TBCD: variants seen among roughly 807,000 people sequenced by gnomAD.
TBCD encodes the protein tubulin-specific chaperone D.
TBCD carries 105 observed loss-of-function variants against 169.3 expected under a neutral mutation model. The observed-to-expected ratio is 0.62, with a 90% CI of 0.53 to 0.73. The LOEUF is 0.73. TBCD is among the 30% of genes least tolerant of loss of function. The probability of loss-of-function intolerance (pLI) is 0.00; values close to 1 mark genes in which losing one functional copy is unlikely to be tolerated. For synonymous variants in TBCD, 700 were observed against 643.9 expected (o/e 1.09, Z -1.32); for missense variants, 1,444 against 1,600.1 (o/e 0.90, Z 1.66).
At position 82,920,342 on chromosome 17, in the gene TBCD, T is replaced by C. The variant is rs1453481446; in HGVS notation, c.2039-214T>C. ...CCACGTGGCTGGGTCTGCAGCACTT[T>C]CTTCAGGCTGCTCAGCGGAGGAGGC... is the stretch of plus-strand genomic sequence containing the variant. On this transcript the variant is annotated intron_variant, in intron 23 of 38. Coordinates refer to ENST00000355528, the MANE Select transcript of TBCD (RefSeq NM_005993.5). This position sits in a 1 kb window ranked among gnomAD's most constrained non-coding sequence, Gnocchi z 4.1. 7 of 598,146 alleles carry C rather than the reference T, an allele frequency of 1.2e-5. No homozygotes were observed. The highest frequency in any genetic ancestry group is 1.8e-5 in the Non-Finnish European group (6 of 340,726). 37.1% of individuals were successfully genotyped at this position (598,146 alleles called of 1,614,324 possible). A position where few individuals can be genotyped will look rare whatever the true frequency, so the allele number is the denominator to read the frequency against.
At chr17:82,757,804 A>G (rs1035355316) in intron 2 of TBCD, among the ~76,000 whole-genome samples, 25 of 152,248 alleles carry the variant, frequency 1.6e-4, no homozygotes, top group Admixed American at 1.5e-3. Context: ...GGGGCTAGCC[A>G]TGCTGGATGG....
Position 82,925,926 on chromosome 17 carries a change from AC to A in TBCD, c.2380-472del, listed in dbSNP as rs1157393892. Reference sequence around the variant, plus strand: ...GCTGGCCGTGGAGAGGCTGGAGGTGACCTCTCCCCGGGTGTCCTTCCTGGGT... The same window carrying A: ...GCTGGCCGTGGAGAGGCTGGAGGTGACTCTCCCCGGGTGTCCTTCCTGGGT... On this transcript the variant is annotated intron_variant, in intron 27 of 38. Transcript: ENST00000355528. Among the ~76,000 whole-genome samples the A allele has an allele frequency of 1.8e-3, 264 of 149,034 alleles. 4 individuals are homozygous for A. The highest frequency in any genetic ancestry group is 8.9e-3 in the Admixed American group (133 of 14,872).
chr17:82,897,882 C>T (rs1352187550), intron 17 of TBCD, among the ~76,000 whole-genome samples: 6 of 152,186 alleles, frequency 3.9e-5, no homozygotes, highest in South Asian at 4.1e-4. Flanking sequence ...TGTGAGCACA[C>T]GGCACAGCTC....
At chr17:82,830,688 G>T in intron 13 of TBCD, 1 of 1,614,192 alleles carries the variant, frequency 6.2e-7, no homozygotes. Context: ...GCTCTGAGAA[G>T]CTGGCGGTTT....
rs2292809 is a variant in TBCD at position 82,772,982 on chromosome 17, C to T, written c.638+475C>T. Among the ~76,000 whole-genome samples the T allele has an allele frequency of 7.8e-4, 119 of 152,186 alleles. No homozygotes were observed. In the East Asian group the frequency reaches 0.012, roughly 15 times the overall value. On this transcript the variant is annotated intron_variant, in intron 6 of 38. Transcript: ENST00000355528. Reference sequence around the variant, plus strand: ...TTCTCTGCTGAGCGCAGCAGGCCTGCGGTGTTGGAAAGATACCAAGGATGT... The same window carrying T: ...TTCTCTGCTGAGCGCAGCAGGCCTGTGGTGTTGGAAAGATACCAAGGATGT...
At chr17:82,836,644 A>G (rs567951755) in intron 13 of TBCD, among the ~76,000 whole-genome samples, 18 of 151,806 alleles carry the variant, frequency 1.2e-4, no homozygotes, top group Non-Finnish European at 2.5e-4. Context: ...TGAGGACTTC[A>G]GTTTTCGAAG....
At chr17:82,817,333 AT>A in intron 13 of TBCD, among the ~76,000 whole-genome samples, 1 of 151,768 alleles carries the variant, frequency 6.6e-6, no homozygotes, top group Non-Finnish European at 1.5e-5. Flanking sequence ...TCTCATTCCC[AT>A]CGCCCAGGCC....
chr17:82,844,463 C>T (rs1020735385), intron 13 of TBCD, among the ~76,000 whole-genome samples: 23 of 151,964 alleles, frequency 1.5e-4, no homozygotes, highest in Admixed American at 6.6e-5. Flanking sequence ...GTTAGGCCTA[C>T]CCTGCCCCTC....
intron 8 of TBCD, among the ~76,000 whole-genome samples, chr17:82,799,470 A>G (rs947017184): frequency 1.3e-5 from 2 of 149,258 alleles, no homozygotes; most frequent in African/African-American, 2.5e-5. Flanking sequence ...AAAAGAAACT[A>G]TCCGAATATC....
chr17:82,938,601 G>A (rs1292378556), intron 36 of TBCD, among the ~76,000 whole-genome samples: 1 of 152,216 alleles, frequency 6.6e-6, no homozygotes, highest in Non-Finnish European at 1.5e-5. Flanking sequence ...GTGGGGTGCC[G>A]GACCCTCAGG....
intron 14 of TBCD, among the ~76,000 whole-genome samples, 199 bp from the exon 15 acceptor site, chr17:82,883,945 TC>T (rs149718765): frequency 0.013 from 1,965 of 152,006 alleles, 59 homozygotes; most frequent in African/African-American, 0.045. Context: ...CACCCCCAGC[TC>T]CCACATGGCG....
intron 34 of TBCD, among the ~76,000 whole-genome samples, chr17:82,935,961 T>C (rs1462169558): frequency 1.3e-5 from 2 of 152,248 alleles, no homozygotes; most frequent in African/African-American, 2.4e-5. Context: ...AGAGGGTATA[T>C]AGAATTCAGG....
intron 15 of TBCD, among the ~76,000 whole-genome samples, chr17:82,886,986 T>C (rs2058757493): frequency 6.6e-6 from 1 of 151,768 alleles, no homozygotes; most frequent in Non-Finnish European, 1.5e-5. Flanking sequence ...ACATGGAGTT[T>C]TAAAGACTAA....
chr17:82,906,137 C>A, intron 20 of TBCD, 84 bp downstream of exon 20: 5 of 1,040,884 alleles, frequency 4.8e-6, no homozygotes, highest in Admixed American at 2.2e-5. Context: ...CAGTTCGAGA[C>A]TCTCTCATCC....
At chr17:82,766,407 G>T in intron 4 of TBCD, 39 bp downstream of exon 4, 1 of 1,509,664 alleles carries the variant, frequency 6.6e-7, no homozygotes, top group South Asian at 1.2e-5. Context: ...CCAGCCCTCC[G>T]TGCCTGTCCT....
At chr17:82,755,013 C>T (rs529722022) in intron 1 of TBCD, among the ~76,000 whole-genome samples, 2 of 152,346 alleles carry the variant, frequency 1.3e-5, no homozygotes, top group Non-Finnish European at 2.9e-5. Context: ...AGTCGGGCTA[C>T]AGCTTAGTTT....
At chr17:82,877,762 G>A (rs190972546) in intron 14 of TBCD, among the ~76,000 whole-genome samples, 12 of 152,300 alleles carry the variant, frequency 7.9e-5, no homozygotes, top group East Asian at 5.8e-4. Flanking sequence ...ATCTTAAAAC[G>A]TTCGTGCTAA....
At chr17:82,893,836 C>T (rs893116510) in intron 17 of TBCD, among the ~76,000 whole-genome samples, 8 of 152,190 alleles carry the variant, frequency 5.3e-5, no homozygotes, top group Admixed American at 6.5e-5. Context: ...TGCTTTACTA[C>T]GCTAGATAGG....
At position 82,832,469 on chromosome 17, in the gene TBCD, C is replaced by G. The variant is rs564795812; in HGVS notation, c.1318+17535C>G. The G allele has an allele frequency of 4.4e-6, 7 of 1,605,114 alleles. No homozygotes were observed. In the South Asian group the frequency reaches 6.6e-5, roughly 15 times the overall value. Reference sequence around the variant, plus strand: ...AGGAGACTCATTTTCCTCCTTATGCCTTGGACTCTGGCTGTCCAGGTGGCG... The same window carrying G: ...AGGAGACTCATTTTCCTCCTTATGCGTTGGACTCTGGCTGTCCAGGTGGCG... On this transcript the variant is annotated intron_variant, in intron 13 of 38. Coordinates refer to ENST00000355528, the MANE Select transcript of TBCD (RefSeq NM_005993.5). This position sits in a 1 kb window ranked among gnomAD's most constrained non-coding sequence, Gnocchi z 4.9.
Sources: gnomAD v4.1 joint callset for allele counts (sites outside exome capture counted in the v4.1 genomes callset) on GRCh38, gnomAD v4.1.1 for gene constraint, Gnocchi (gnomAD v3.1) non-coding constraint, MANE v1.5 for transcripts, NCBI Gene and HGNC (gene_info 2026-07-23, HGNC 2026-07-21) for gene names.